PDE3B: variants seen among roughly 807,000 people sequenced by gnomAD.
The protein encoded by PDE3B is cGMP-inhibited 3',5'-cyclic phosphodiesterase 3B.
Under a neutral mutation model 116.8 loss-of-function variants are expected in PDE3B, and 66 were observed. The observed-to-expected ratio is 0.56, with a 90% CI of 0.46 to 0.69. PDE3B has a LOEUF of 0.69. PDE3B is among the 30% of genes least tolerant of loss of function. PDE3B has a pLI of 0.00. For missense variants in PDE3B, 1,384 were observed against 1,368.1 expected, an observed-to-expected ratio of 1.01 and a Z score of -0.18; for synonymous variants, 595 against 533.6, an observed-to-expected ratio of 1.12 and a Z score of -1.59.
chr11:14,674,415 A>C (rs1237986274), intron 1 of PDE3B: 2 of 655,020 alleles, frequency 3.1e-6, no homozygotes, highest in Admixed American at 3.8e-5. Flanking sequence ...TATTCCAACC[A>C]CTGTAATGTA....
chr11:14,721,551 G>T (rs199889198), intron 1 of PDE3B, among the ~76,000 whole-genome samples: 21,313 of 149,234 alleles, frequency 0.14, 2,357 homozygotes, highest in African/African-American at 0.31. Flanking sequence ...TAGACTGGAT[G>T]AAGAAAATGT....
Position 14,644,937 on chromosome 11 carries a change from G to C in PDE3B, c.862G>C (p.Val288Leu). 1 of 1,614,128 alleles carries C rather than the reference G, an allele frequency of 6.2e-7. No individual in the cohort carries two copies. Among genetic ancestry groups the C allele is most frequent in the Non-Finnish European group, 8.5e-7 (1 of 1,180,026 alleles). ...LSSAAEEKVP[V>L]IRPRRRSSCV... ...CAGTGCCGCCGAAGAAAAAGTGCCT[G>C]TGATCCGACCCCGGAGGAGGTCCAG... is the stretch of plus-strand genomic sequence containing the variant. Residue 288 changes from valine to leucine, a missense_variant, in exon 1 of 16, where the codon GTG becomes CTG. Around this residue, in one of 2 missense-constraint regions of PDE3B, gnomAD observed 956 missense variants for 806.8 expected, o/e 1.18. Transcript: ENST00000282096.
At chr11:14,740,074 T>C (rs778369431) in intron 1 of PDE3B, among the ~76,000 whole-genome samples, 82 of 152,306 alleles carry the variant, frequency 5.4e-4, no homozygotes, top group Middle Eastern at 3.4e-3. Context: ...TGTTTTGTTG[T>C]GTCTCTGCCA....
intron 4 of PDE3B, among the ~76,000 whole-genome samples, chr11:14,790,951 T>C (rs955920723): frequency 3.9e-5 from 6 of 152,080 alleles, no homozygotes; most frequent in African/African-American, 1.4e-4. Context: ...ATGATGGAAA[T>C]AGTTTATATC....
At chr11:14,857,282 C>T (rs551495648) in intron 12 of PDE3B, among the ~76,000 whole-genome samples, 1 of 152,278 alleles carries the variant, frequency 6.6e-6, no homozygotes, top group South Asian at 2.1e-4. Context: ...TTTTTCTCTG[C>T]TTCTAAGAGC....
intron 11 of PDE3B, among the ~76,000 whole-genome samples, chr11:14,839,934 A>G (rs1860169278): frequency 6.6e-6 from 1 of 152,224 alleles, no homozygotes; most frequent in Admixed American, 6.5e-5. Context: ...GGTCTAGGAC[A>G]TGTTGAGATA....
At chr11:14,789,084 C>A in intron 3 of PDE3B, 22 bp from the exon 4 acceptor site, 1 of 1,572,702 alleles carries the variant, frequency 6.4e-7, no homozygotes. Context: ...ACATTTTAAA[C>A]CATTGTTAAA....
At chr11:14,719,095 C>A (rs1856017852) in intron 1 of PDE3B, among the ~76,000 whole-genome samples, 1 of 59,470 alleles carries the variant, frequency 1.7e-5, no homozygotes, top group South Asian at 6.7e-4. Flanking sequence ...GGGATATCAC[C>A]ACCGATCCCA....
chr11:14,738,465 G>GT (rs1856664546), intron 1 of PDE3B, among the ~76,000 whole-genome samples: 1 of 152,046 alleles, frequency 6.6e-6, no homozygotes, highest in African/African-American at 2.4e-5. Context: ...TTGATGGGTT[G>GT]TTTTTTCTTG....
At chr11:14,682,216 A>C (rs1854731207) in intron 1 of PDE3B, among the ~76,000 whole-genome samples, 1 of 152,156 alleles carries the variant, frequency 6.6e-6, no homozygotes, top group Non-Finnish European at 1.5e-5. Context: ...GGCAGAGGAA[A>C]ATCCACATAT....
At position 14,763,717 on chromosome 11, in the gene PDE3B, A is replaced by G. The variant is rs180992962; in HGVS notation, c.979-8220A>G. ...TGTGACAGAATGAAATGCCAGGTAT[A>G]TGGATACAGATATTAGAAGGTAATA... is the stretch of plus-strand genomic sequence containing the variant. On this transcript the variant is annotated intron_variant, in intron 1 of 15. Transcript: ENST00000282096. 1.4e-4 allele frequency among the ~76,000 whole-genome samples: 22 copies of G among 152,262 alleles called. No homozygotes were observed. In the East Asian group the frequency reaches 4.0e-3, roughly 28 times the overall value.
chr11:14,806,241 A>C (rs1565145545), intron 5 of PDE3B, among the ~76,000 whole-genome samples: 1 of 151,314 alleles, frequency 6.6e-6, no homozygotes, highest in Non-Finnish European at 1.5e-5. Context: ...TCATGAGGTC[A>C]GGAGATCGAG....
intron 1 of PDE3B, among the ~76,000 whole-genome samples, chr11:14,682,059 A>G (rs1854726714): frequency 6.6e-6 from 1 of 152,216 alleles, no homozygotes; most frequent in African/African-American, 2.4e-5. Context: ...AATGTTATTA[A>G]GAGAATCACA....
At chr11:14,738,782 G>A (rs1856672597) in intron 1 of PDE3B, among the ~76,000 whole-genome samples, 1 of 152,146 alleles carries the variant, frequency 6.6e-6, no homozygotes, top group African/African-American at 2.4e-5. Context: ...TTTTGTATAA[G>A]GTGTAAGAAA....
chr11:14,832,632 A>G (rs985535596), intron 9 of PDE3B, 90 bp from the exon 10 acceptor site: 12 of 544,872 alleles, frequency 2.2e-5, no homozygotes, highest in Admixed American at 3.3e-5. Flanking sequence ...CATGGTTAAC[A>G]TTCCAGAATA....
In PDE3B at chr11:14,644,824, G is replaced by T. The variant is rs1482045271; in HGVS notation, c.749G>T (p.Gly250Val). ...TCCGCCCTCAGGCCGCTGCTCTCCG[G>T]CCTGGTGGGGGGCGCTGGCTGCCTG... ...LPSALRPLLS[G>V]LVGGAGCLLA... Residue 250 changes from glycine (G) to valine (V), a missense_variant, in exon 1 of 16, where the codon GGC becomes GTC. By Grantham distance (109) the Gly-to-Val change is moderately radical. Transcript: ENST00000282096. 2.5e-6 allele frequency: 4 copies of T among 1,612,128 alleles called. No homozygotes were observed. The highest frequency in any genetic ancestry group is 3.3e-5 in the Admixed American group (2 of 59,778).
chr11:14,644,384 CG>C lies in PDE3B; in HGVS notation c.313del (p.Ala105ProfsTer8). 6.2e-7 allele frequency: 1 copy of C among 1,602,086 alleles called. No homozygotes were observed. On this transcript the variant is annotated frameshift_variant, in exon 1 of 16. Coordinates refer to ENST00000282096, the MANE Select transcript of PDE3B (RefSeq NM_000922.4). LOFTEE classifies it high-confidence loss of function. Reference sequence around the variant, plus strand: ...GCGCGGAACCCGAGAGCTGGGCTGCCGGGGCCGCCTGGCTGCGGACGCTGCT... The same window carrying C: ...GCGCGGAACCCGAGAGCTGGGCTGCCGGGCCGCCTGGCTGCGGACGCTGCT... ...LGAEPESWAA[G>X]AAWLRTLLSV...
chr11:14,695,251 A>G (rs918113969), intron 1 of PDE3B, among the ~76,000 whole-genome samples: 3 of 152,144 alleles, frequency 2.0e-5, no homozygotes, highest in African/African-American at 7.2e-5. Flanking sequence ...CTCCTACAAA[A>G]TTCATCCACA....
rs201532617 is a variant in PDE3B, at chr11:14,757,635, C to T, written c.979-14302C>T. Reference sequence around the variant, plus strand: ...AGTGTCTGTTCATGTCCTTCACCCACTTGTTGATGGGGTTGTGTGTTTTTT... The same window carrying T: ...AGTGTCTGTTCATGTCCTTCACCCATTTGTTGATGGGGTTGTGTGTTTTTT... On this transcript the variant is annotated intron_variant, in intron 1 of 15. Transcript: ENST00000282096. 4.1e-5 allele frequency among the ~76,000 whole-genome samples: 2 copies of T among 48,314 alleles called. 1 individual carries two copies. Among genetic ancestry groups the T allele is most frequent in the African/African-American group, 2.4e-4 (2 of 8,228 alleles). 31.7% of individuals were successfully genotyped at this position (48,314 alleles called of 152,430 possible). A position where few individuals can be genotyped will look rare whatever the true frequency, so the allele number is the denominator to read the frequency against.
Sources: gnomAD v4.1 joint callset for allele counts (sites outside exome capture counted in the v4.1 genomes callset) on GRCh38, gnomAD v4.1.1 for gene constraint, gnomAD v4.1.1 regional missense constraint, MANE v1.5 for transcripts, NCBI Gene and HGNC (gene_info 2026-07-23, HGNC 2026-07-21) for gene names.